Variants in HS6ST2 observed in about 807,000 individuals in gnomAD.
HS6ST2 encodes the protein heparan sulfate 6-O-sulfotransferase 2, also known as heparan-sulfate 6-O-sulfotransferase 2.
In HS6ST2, 17 loss-of-function variants were observed where a neutral mutation model predicts 33.0. The observed-to-expected ratio is 0.52, with a 90% CI of 0.35 to 0.77. The LOEUF (loss-of-function observed/expected upper bound fraction) is 0.77, where lower values mean the gene tolerates loss of function less well. Among genes scored for constraint, HS6ST2 ranks in the 30% least tolerant of loss-of-function variants. HS6ST2 has a pLI of 0.01. For missense variants in HS6ST2, 519 were observed against 551.7 expected, an observed-to-expected ratio of 0.94 and a Z score of 0.59; for synonymous variants, 248 against 237.1, an observed-to-expected ratio of 1.05 and a Z score of -0.42.
At chrX:132,827,669 G>A (rs1009234000) in intron 2 of HS6ST2, among the ~76,000 whole-genome samples, 2 of 110,928 alleles carry the variant, frequency 1.8e-5, no homozygotes, top group Non-Finnish European at 3.8e-5. Context: ...AGCCCCTAAC[G>A]TTGTTCCTAG....
intron 2 of HS6ST2, among the ~76,000 whole-genome samples, chrX:132,814,385 G>A (rs978165190): frequency 6.2e-5 from 7 of 112,014 alleles, no homozygotes; most frequent in Non-Finnish European, 1.3e-4. Flanking sequence ...CCACATATTG[G>A]GTGTGATATT....
In HS6ST2 at chrX:132,735,824, G is replaced by C. The variant is rs755538060; in HGVS notation, c.948-27330C>G. 8.0e-5 allele frequency among the ~76,000 whole-genome samples: 9 copies of C among 111,947 alleles called. No homozygotes were observed. The East Asian group carries it at 2.5e-3, about 31-fold the overall frequency. ...AGAGGAATTTTGCAGCACTGCAACT[G>C]TGTGCTTTTATTTATTTATTTATTT... On this transcript the variant is annotated intron_variant, in intron 2 of 4. Coordinates refer to ENST00000370833, the MANE Select transcript of HS6ST2 (RefSeq NM_001394073.1).
At chrX:132,852,169 C>A (rs1316897499) in intron 2 of HS6ST2, among the ~76,000 whole-genome samples, 1 of 111,428 alleles carries the variant, frequency 9.0e-6, no homozygotes, top group Non-Finnish European at 1.9e-5. Context: ...TTGTGAAACA[C>A]TGATATGTAT....
At chrX:132,850,398 A>G (rs1303138126) in intron 2 of HS6ST2, among the ~76,000 whole-genome samples, 1 of 111,396 alleles carries the variant, frequency 9.0e-6, no homozygotes, top group African/African-American at 3.3e-5. Flanking sequence ...AGAAGCAGAG[A>G]GTCAGAAAGA....
intron 2 of HS6ST2, among the ~76,000 whole-genome samples, chrX:132,800,529 T>A (rs1196666368): frequency 9.0e-6 from 1 of 111,392 alleles, no homozygotes; most frequent in Non-Finnish European, 1.9e-5. Flanking sequence ...TTGTTTTCCA[T>A]GAAACTGGTC....
chrX:132,846,810 T>C (rs778624375), intron 2 of HS6ST2, among the ~76,000 whole-genome samples: 6 of 110,231 alleles, frequency 5.4e-5, no homozygotes, highest in African/African-American at 2.0e-4. Flanking sequence ...TGGGAGAAGA[T>C]ACAAATGCCA....
intron 2 of HS6ST2, among the ~76,000 whole-genome samples, chrX:132,911,231 T>C (rs1161853110): frequency 9.1e-6 from 1 of 110,352 alleles, no homozygotes; most frequent in African/African-American, 3.3e-5. Flanking sequence ...TAAAAGACCA[T>C]TCCTAACTCA....
Position 132,649,789 on chromosome X carries a change from C to T in HS6ST2, c.1067+19324G>A, listed in dbSNP as rs760343513. On this transcript the variant is annotated intron_variant, in intron 4 of 4. Coordinates refer to ENST00000370833, the MANE Select transcript of HS6ST2 (RefSeq NM_001394073.1). ...AGGAGAATCTCTTGAACCCAGGAGG[C>T]GGAGGTTGCAGTAAGCCTAGATCAT... Among the ~76,000 whole-genome samples the T allele has an allele frequency of 8.4e-5, 9 of 106,891 alleles. No individual in the cohort carries two copies. In the East Asian group the frequency reaches 1.6e-3, roughly 19 times the overall value. 92.8% of individuals were successfully genotyped at this position (106,891 alleles called of 115,157 possible). A position where few individuals can be genotyped will look rare whatever the true frequency, so the allele number is the denominator to read the frequency against.
At chrX:132,729,236 A>G (rs760395094) in intron 2 of HS6ST2, among the ~76,000 whole-genome samples, 1 of 112,366 alleles carries the variant, frequency 8.9e-6, no homozygotes, top group Non-Finnish European at 1.9e-5. Context: ...AATTTCAAAC[A>G]CTTTTAGAAG....
chrX:132,957,711 C>T (rs973200996), intron 1 of HS6ST2, among the ~76,000 whole-genome samples: 1 of 110,328 alleles, frequency 9.1e-6, no homozygotes, highest in African/African-American at 3.3e-5. Flanking sequence ...GCGTGTCTCG[C>T]TCCACTCTCG....
intron 2 of HS6ST2, among the ~76,000 whole-genome samples, chrX:132,944,205 T>A (rs947048371): frequency 5.4e-5 from 6 of 111,477 alleles, no homozygotes; most frequent in Non-Finnish European, 5.6e-5. Context: ...AGCATTCTTA[T>A]ACACCAATAA....
intron 2 of HS6ST2, among the ~76,000 whole-genome samples, chrX:132,811,001 C>A (rs1273102089): frequency 8.9e-6 from 1 of 112,069 alleles, no homozygotes; most frequent in African/African-American, 3.3e-5. Flanking sequence ...TGTTATATAG[C>A]ACAAACTAGC....
chrX:132,657,987 A>G (rs1342256472), intron 4 of HS6ST2, among the ~76,000 whole-genome samples: 1 of 108,964 alleles, frequency 9.2e-6, no homozygotes, highest in African/African-American at 3.4e-5. Flanking sequence ...TGGAGCACAA[A>G]TCTCCTCCCC....
intron 2 of HS6ST2, among the ~76,000 whole-genome samples, chrX:132,921,682 C>T (rs2066652154): frequency 8.9e-6 from 1 of 111,945 alleles, no homozygotes; most frequent in South Asian, 3.8e-4. Flanking sequence ...AAAACAAAAA[C>T]AAAAGCCAGG....
At chrX:132,909,875 C>T (rs2066515222) in intron 2 of HS6ST2, among the ~76,000 whole-genome samples, 1 of 111,116 alleles carries the variant, frequency 9.0e-6, no homozygotes, top group African/African-American at 3.3e-5. Flanking sequence ...TTGTAATCAC[C>T]TCTGTCCTGT....
chrX:132,692,447 T>C (rs1329827526), intron 3 of HS6ST2, among the ~76,000 whole-genome samples: 1 of 110,860 alleles, frequency 9.0e-6, no homozygotes, highest in African/African-American at 3.3e-5. Flanking sequence ...ACAGCTGTTT[T>C]CTCCTTCCCC....
At chrX:132,689,011 T>G (rs1255859543) in intron 3 of HS6ST2, among the ~76,000 whole-genome samples, 1 of 111,891 alleles carries the variant, frequency 8.9e-6, no homozygotes, top group Admixed American at 9.4e-5. Context: ...ATGTCCCAAC[T>G]TGTAAAATGT....
intron 2 of HS6ST2, among the ~76,000 whole-genome samples, chrX:132,831,910 T>C (rs949149294): frequency 6.2e-5 from 7 of 112,203 alleles, no homozygotes; most frequent in Non-Finnish European, 1.3e-4. Flanking sequence ...TTGCACATTC[T>C]CTTCTTTCTG....
chrX:132,802,876 G>A (rs2065247859), intron 2 of HS6ST2, among the ~76,000 whole-genome samples: 1 of 109,374 alleles, frequency 9.1e-6, no homozygotes, highest in African/African-American at 3.3e-5. Flanking sequence ...GGGCTCAAAC[G>A]CTCTCCTTTC....
Sources: gnomAD v4.1 joint callset for allele counts (sites outside exome capture counted in the v4.1 genomes callset) on GRCh38, gnomAD v4.1.1 for gene constraint, MANE v1.5 for transcripts, NCBI Gene and HGNC (gene_info 2026-07-23, HGNC 2026-07-21) for gene names.